ATE1: variants seen among roughly 807,000 people sequenced by gnomAD.
ATE1 encodes arginyltransferase 1, also known as arginyl-tRNA--protein transferase 1.
ATE1 carries 36 observed loss-of-function variants against 70.5 expected under a neutral mutation model. The ratio of observed to expected loss-of-function variants is 0.51; its 90% CI spans 0.39 to 0.67. The LOEUF (loss-of-function observed/expected upper bound fraction) is 0.67, where lower values mean the gene tolerates loss of function less well. Ranked by LOEUF, ATE1 falls within the 30% of genes least tolerant of loss-of-function variation. The probability of loss-of-function intolerance (pLI) is 0.00; values close to 1 mark genes in which losing one functional copy is unlikely to be tolerated. For synonymous variants in ATE1, 232 were observed against 219.3 expected (o/e 1.06, Z -0.51); for missense variants, 593 against 629.5 (o/e 0.94, Z 0.62).
At chr10:121,757,962 A>T (rs1379657302) in intron 11 of ATE1, among the ~76,000 whole-genome samples, 1 of 152,224 alleles carries the variant, frequency 6.6e-6, no homozygotes, top group Non-Finnish European at 1.5e-5. Flanking sequence ...ACTCCAGCCT[A>T]CTGAAGTATT....
intron 10 of ATE1, among the ~76,000 whole-genome samples, chr10:121,806,020 T>C (rs146611745): frequency 6.6e-6 from 1 of 152,284 alleles, no homozygotes; most frequent in African/African-American, 2.4e-5. Flanking sequence ...ATCACATGGG[T>C]AGTATTCCCG....
intron 10 of ATE1, among the ~76,000 whole-genome samples, chr10:121,796,430 T>C (rs1185156145): frequency 6.6e-6 from 1 of 152,168 alleles, no homozygotes; most frequent in Non-Finnish European, 1.5e-5. Flanking sequence ...ATTCCTGACT[T>C]CACCAAACGA....
chr10:121,881,520 G>C (rs962009634), intron 7 of ATE1, among the ~76,000 whole-genome samples: 3 of 152,140 alleles, frequency 2.0e-5, no homozygotes, highest in East Asian at 1.9e-4. Flanking sequence ...CTAGGCACTA[G>C]AGCGTGACTG....
intron 11 of ATE1, among the ~76,000 whole-genome samples, chr10:121,785,618 C>T (rs770731069): frequency 5.9e-5 from 9 of 152,150 alleles, no homozygotes; most frequent in Non-Finnish European, 1.0e-4. Context: ...AGAAAGAGGC[C>T]TTTAAACAGC....
chr10:121,841,881 C>G (rs1009221996), intron 8 of ATE1, among the ~76,000 whole-genome samples: 1 of 152,048 alleles, frequency 6.6e-6, no homozygotes, highest in Non-Finnish European at 1.5e-5. Context: ...TACCCAAACA[C>G]CACCTGTTCC....
intron 3 of ATE1, among the ~76,000 whole-genome samples, chr10:121,914,833 T>C (rs1036646153): frequency 1.3e-5 from 2 of 152,190 alleles, no homozygotes; most frequent in Non-Finnish European, 2.9e-5. Flanking sequence ...CAGTACATGT[T>C]GAGATCACCA....
intron 10 of ATE1, among the ~76,000 whole-genome samples, chr10:121,806,671 G>A (rs1947110823): frequency 6.6e-6 from 1 of 152,184 alleles, no homozygotes; most frequent in African/African-American, 2.4e-5. Flanking sequence ...GATCCAAGCT[G>A]ATGTACTTGG....
At chr10:121,751,508 A>T (rs1944578208) in intron 11 of ATE1, among the ~76,000 whole-genome samples, 2 of 152,236 alleles carry the variant, frequency 1.3e-5, no homozygotes, top group South Asian at 4.1e-4. Flanking sequence ...CAGCCTTCTT[A>T]GTCGGTGCAT....
At chr10:121,768,479 A>AG (rs1259431332) in intron 11 of ATE1, among the ~76,000 whole-genome samples, 4 of 151,786 alleles carry the variant, frequency 2.6e-5, no homozygotes, top group Non-Finnish European at 5.9e-5. Context: ...TGGGCAGGGG[A>AG]GGGGGGAATC....
chr10:121,842,683 G>C (rs370226483), intron 8 of ATE1, among the ~76,000 whole-genome samples: 37 of 152,080 alleles, frequency 2.4e-4, no homozygotes, highest in African/African-American at 8.2e-4. Flanking sequence ...TAGAAAAGCA[G>C]CTTTTTAAAA....
intron 10 of ATE1, among the ~76,000 whole-genome samples, chr10:121,804,715 C>T (rs1590345700): frequency 6.7e-6 from 1 of 148,860 alleles, no homozygotes; most frequent in Admixed American, 6.7e-5. Context: ...AGCACACATT[C>T]TAGCAACTTT....
chr10:121,904,402 G>A (rs1436005288), intron 5 of ATE1, among the ~76,000 whole-genome samples: 4 of 151,650 alleles, frequency 2.6e-5, no homozygotes, highest in Non-Finnish European at 5.9e-5. Context: ...AGCACTTTGG[G>A]AGGCCGAGGC....
intron 11 of ATE1, among the ~76,000 whole-genome samples, chr10:121,784,954 T>C (rs1390725428): frequency 3.3e-5 from 5 of 152,224 alleles, no homozygotes; most frequent in African/African-American, 1.2e-4. Context: ...ATATTTTCCA[T>C]ATTAAAATAC....
At chr10:121,871,383 T>C (rs1407190229) in intron 7 of ATE1, among the ~76,000 whole-genome samples, 1 of 152,060 alleles carries the variant, frequency 6.6e-6, no homozygotes, top group Non-Finnish European at 1.5e-5. Context: ...TGCTGGAACC[T>C]GGTAGGTGGA....
At chr10:121,815,218 C>A (rs1262097227) in intron 10 of ATE1, among the ~76,000 whole-genome samples, 5 of 152,326 alleles carry the variant, frequency 3.3e-5, no homozygotes, top group Middle Eastern at 3.4e-3. Context: ...TCACTGCGAG[C>A]TCCGCCTCCC....
chr10:121,782,439 AT>A lies in ATE1; in HGVS notation c.1378+7729del, dbSNP rs1946033616. 2.0e-5 allele frequency: 3 copies of A among 152,346 alleles called. No individual in the cohort carries two copies. The South Asian group carries it at 6.2e-4, about 32-fold the overall frequency. The allele number at this position is 152,346 out of a possible 1,614,324, so 9.4% of individuals were successfully genotyped here. A position where few individuals can be genotyped will look rare whatever the true frequency, so the allele number is the denominator to read the frequency against. On this transcript the variant is annotated intron_variant, in intron 11 of 11. Transcript: ENST00000224652. ...TTTTGCCCCCTTCTATATGTATTTA[AT>A]GTATAATCATTCATTAACTGTCAGA...
chr10:121,864,256 T>G (rs1351646346), intron 8 of ATE1, among the ~76,000 whole-genome samples: 1 of 152,186 alleles, frequency 6.6e-6, no homozygotes, highest in Non-Finnish European at 1.5e-5. Context: ...GGTATAGGGA[T>G]GAAACTGTTC....
At chr10:121,750,228 G>C (rs977033786) in intron 11 of ATE1, among the ~76,000 whole-genome samples, 2 of 152,076 alleles carry the variant, frequency 1.3e-5, no homozygotes, top group South Asian at 4.2e-4. Flanking sequence ...CAGCACAACA[G>C]GCATTTTCTT....
At chr10:121,783,627 C>T (rs987634351) in intron 11 of ATE1, among the ~76,000 whole-genome samples, 11 of 151,908 alleles carry the variant, frequency 7.2e-5, no homozygotes, top group African/African-American at 2.4e-4. Flanking sequence ...ACTTAAATAG[C>T]TGGTATGGGC....
Sources: allele counts gnomAD v4.1 joint callset (sites outside exome capture counted in the v4.1 genomes callset), GRCh38; gene constraint gnomAD v4.1.1; transcripts MANE v1.5; gene names NCBI Gene and HGNC (gene_info 2026-07-23, HGNC 2026-07-21).